IVNS1ABP: variants seen among roughly 807,000 people sequenced by gnomAD.
IVNS1ABP encodes influenza virus NS1A-binding protein.
IVNS1ABP carries 25 observed loss-of-function variants against 78.9 expected under a neutral mutation model. That is an observed-to-expected ratio of 0.32 (90% CI 0.23 to 0.44). The LOEUF is 0.44. Among genes scored for constraint, IVNS1ABP ranks in the 20% least tolerant of loss-of-function variants. The pLI, the probability that IVNS1ABP is intolerant of heterozygous loss-of-function variation, is 1.00. For missense variants in IVNS1ABP, 494 were observed against 768.9 expected, an observed-to-expected ratio of 0.64 and a Z score of 4.23; for synonymous variants, 241 against 259.7, an observed-to-expected ratio of 0.93 and a Z score of 0.69.
intron 1 of IVNS1ABP, among the ~76,000 whole-genome samples, chr1:185,315,175 G>A (rs942836029): frequency 6.6e-6 from 1 of 152,162 alleles, no homozygotes; most frequent in African/African-American, 2.4e-5. Context: ...TGGATGAAAT[G>A]ACTTACTTAG....
Position 185,314,244 on chromosome 1 carries a change from T to C in IVNS1ABP, c.-247+2709A>G, listed in dbSNP as rs552569296. Among the ~76,000 whole-genome samples the C allele has an allele frequency of 2.6e-5, 4 of 152,320 alleles. No homozygotes were observed. In the East Asian group the frequency reaches 7.7e-4, roughly 29 times the overall value. ...TGTATATGAAAACTCGCTGAACTCATTCATTCTATCCATGCTCATAGTTTT... is the reference window on the plus strand; with the variant it reads ...TGTATATGAAAACTCGCTGAACTCACTCATTCTATCCATGCTCATAGTTTT... On this transcript the variant is annotated intron_variant, in intron 1 of 14. Transcript: ENST00000367498.
intron 1 of IVNS1ABP, among the ~76,000 whole-genome samples, chr1:185,313,737 C>T (rs139440302): frequency 2.1e-4 from 32 of 152,178 alleles, no homozygotes; most frequent in Admixed American, 7.2e-4. Flanking sequence ...GAGTATGAAA[C>T]GTAGAATTGT....
chr1:185,308,981 G>C (rs199794084), intron 4 of IVNS1ABP, 22 bp downstream of exon 4: 228 of 1,591,944 alleles, frequency 1.4e-4, no homozygotes, highest in Non-Finnish European at 1.9e-4. Context: ...CTAATTATAT[G>C]GTTTACTTCA....
intron 8 of IVNS1ABP, 98 bp from the exon 9 acceptor site, chr1:185,301,661 T>C: frequency 7.5e-7 from 1 of 1,330,294 alleles, no homozygotes; most frequent in Non-Finnish European, 1.1e-6. Context: ...ATCCTTCACC[T>C]ATATATGACA....
intron 8 of IVNS1ABP, among the ~76,000 whole-genome samples, chr1:185,304,447 C>T (rs998865074): frequency 6.6e-6 from 1 of 152,124 alleles, no homozygotes; most frequent in African/African-American, 2.4e-5. Flanking sequence ...TATTCACTCA[C>T]TGTTGCCACA....
At chr1:185,299,937 A>G (rs1665526106) in intron 13 of IVNS1ABP, 54 bp from the exon 14 acceptor site, 6 of 1,609,850 alleles carry the variant, frequency 3.7e-6, no homozygotes, top group South Asian at 1.1e-5. Context: ...CTCTAAGTGT[A>G]TACTACACAT....
At chr1:185,310,799 G>A (rs3843265) in intron 2 of IVNS1ABP, among the ~76,000 whole-genome samples, 8,393 of 151,644 alleles carry the variant, frequency 0.055, 316 homozygotes, top group Non-Finnish European at 0.088. Context: ...AAGCACTTGA[G>A]CCCAGGAGTT....
At chr1:185,300,758 G>A (rs2102813431) in intron 10 of IVNS1ABP, 200 bp from the exon 11 acceptor site, 1 of 700,370 alleles carries the variant, frequency 1.4e-6, no homozygotes, top group Non-Finnish European at 2.3e-6. Flanking sequence ...CTTAGTCTTG[G>A]CTTGAATATT....
chr1:185,301,022 G>C lies in IVNS1ABP; in HGVS notation c.1070C>G (p.Ala357Gly), dbSNP rs542764154. ...IEKPMSPMQYARSGLGTAEMN... is the reference protein window; with the variant it reads ...IEKPMSPMQYGRSGLGTAEMN... ...CTCTGCTGTTCCCAGACCAGATCGTGCGTACTGCATAGGAGACATGGGCTT... is the reference window on the plus strand; with the variant it reads ...CTCTGCTGTTCCCAGACCAGATCGTCCGTACTGCATAGGAGACATGGGCTT... Residue 357 changes from alanine (A) to glycine (G), a missense_variant, in exon 10 of 15, where the codon GCA becomes GGA. Transcript: ENST00000367498. 3.1e-6 allele frequency: 5 copies of C among 1,613,398 alleles called. No homozygotes were observed. Among genetic ancestry groups the C allele is most frequent in the Non-Finnish European group, 4.2e-6 (5 of 1,179,668 alleles).
At chr1:185,301,676 T>C (rs1665604224) in intron 8 of IVNS1ABP, 113 bp from the exon 9 acceptor site, 2 of 1,170,406 alleles carry the variant, frequency 1.7e-6, no homozygotes, top group Non-Finnish European at 2.4e-6. Context: ...ATGACATTTA[T>C]AGGACACTAA....
intron 9 of IVNS1ABP, 66 bp downstream of exon 9, chr1:185,301,368 A>T: frequency 6.3e-7 from 1 of 1,575,436 alleles, no homozygotes; most frequent in South Asian, 1.1e-5. Context: ...AGAGGTATTA[A>T]ATTGGCAACA....
rs563907234 is a variant in IVNS1ABP, at chr1:185,305,794, A to T, written c.658-151T>A. 1 of 763,600 alleles carries T rather than the reference A, an allele frequency of 1.3e-6. No homozygotes were observed. The highest frequency in any genetic ancestry group is 3.1e-5 in the East Asian group (1 of 32,508). The allele number at this position is 763,600 out of a possible 1,614,324, so 47.3% of individuals were successfully genotyped here. A position where few individuals can be genotyped will look rare whatever the true frequency, so the allele number is the denominator to read the frequency against. ...TGGCAGGATCCGGAGGTAAAGAAAA[A>T]TACATGTCATGGTGGTAAAAATTAA... On this transcript the variant is annotated intron_variant, in intron 7 of 14. Coordinates refer to ENST00000367498, the MANE Select transcript of IVNS1ABP (RefSeq NM_006469.5). This position sits in a 1 kb window ranked among gnomAD's most constrained non-coding sequence, Gnocchi z 4.0.
intron 1 of IVNS1ABP, among the ~76,000 whole-genome samples, chr1:185,315,425 T>C (rs1558121216): frequency 1.3e-5 from 2 of 152,220 alleles, no homozygotes; most frequent in South Asian, 4.1e-4. Context: ...ACAATGGCTA[T>C]AGAAATTAGT....
At position 185,298,580 on chromosome 1, in the gene IVNS1ABP, A is replaced by G. The variant is rs1665484556; in HGVS notation, c.1676-292T>C. Reference sequence around the variant, plus strand: ...AATTTTCACCAACTCTGTGGTAGTTACTATTATTATTTCAGAGAAGAAGAA... The same window carrying G: ...AATTTTCACCAACTCTGTGGTAGTTGCTATTATTATTTCAGAGAAGAAGAA... On this transcript the variant is annotated intron_variant, in intron 14 of 14. Transcript: ENST00000367498. The surrounding 1 kb of genome is among the most constrained non-coding windows in gnomAD (Gnocchi z 4.1). The G allele has an allele frequency of 1.0e-5, 4 of 394,038 alleles. No individual in the cohort carries two copies. Among genetic ancestry groups the G allele is most frequent in the African/African-American group, 8.2e-5 (4 of 48,494 alleles). 24.4% of individuals were successfully genotyped at this position (394,038 alleles called of 1,614,324 possible). A position where few individuals can be genotyped will look rare whatever the true frequency, so the allele number is the denominator to read the frequency against.
At chr1:185,301,412 C>G in intron 9 of IVNS1ABP, 22 bp downstream of exon 9, 1 of 1,611,490 alleles carries the variant, frequency 6.2e-7, no homozygotes, top group East Asian at 2.2e-5. Flanking sequence ...TGAAAACAAT[C>G]TGGCAAGTGT....
Position 185,305,458 on chromosome 1 carries a change from A to G in IVNS1ABP, c.765+78T>C. On this transcript the variant is annotated intron_variant, in intron 8 of 14. Transcript: ENST00000367498. The surrounding 1 kb of genome is among the most constrained non-coding windows in gnomAD (Gnocchi z 4.0). ...TGAAATTGGTCCACTTTCCTTTATT[A>G]AAGGAAAATTTAAGTATGCTATCAA... 6.5e-7 allele frequency: 1 copy of G among 1,534,050 alleles called. No individual in the cohort carries two copies. The highest frequency in any genetic ancestry group is 1.4e-5 in the African/African-American group (1 of 73,080).
chr1:185,308,661 T>C (rs1376108878), intron 5 of IVNS1ABP, 139 bp downstream of exon 5: 1 of 664,082 alleles, frequency 1.5e-6, no homozygotes, highest in African/African-American at 1.8e-5. Flanking sequence ...ACAGTTAAAA[T>C]AACATATTGA....
chr1:185,310,653 T>C (rs550562265), intron 2 of IVNS1ABP, among the ~76,000 whole-genome samples: 9 of 152,016 alleles, frequency 5.9e-5, no homozygotes, highest in South Asian at 2.1e-4. Context: ...GGCAAGAAGA[T>C]TGCTTGAGCC....
chr1:185,309,067 C>T lies in IVNS1ABP; in HGVS notation c.217G>A (p.Val73Ile), dbSNP rs146352011. Residue 73 changes from valine to isoleucine, a missense_variant, in exon 4 of 15, where the codon GTT (valine) becomes ATT (isoleucine). Transcript: ENST00000367498. ...SDSDPHGISH[V>I]KFDDLNPEAV... is the part of the protein sequence containing the mutation. ...TCTGGATTGAGATCATCAAATTTAA[C>T]GTGAGAAATTCCATGAGGATCACTA... 211 of 1,613,342 alleles carry T rather than the reference C, an allele frequency of 1.3e-4. No homozygotes were observed. Among genetic ancestry groups the T allele is most frequent in the East Asian group, 9.1e-4 (41 of 44,842 alleles).
Sources: allele counts gnomAD v4.1 joint callset (sites outside exome capture counted in the v4.1 genomes callset), GRCh38; gene constraint gnomAD v4.1.1; non-coding constraint Gnocchi (gnomAD v3.1); transcripts MANE v1.5; gene names NCBI Gene and HGNC (gene_info 2026-07-23, HGNC 2026-07-21).